LSAMP: variants seen among roughly 807,000 people sequenced by gnomAD.
The protein encoded by LSAMP is limbic system-associated membrane protein.
Under a neutral mutation model 38.6 loss-of-function variants are expected in LSAMP, and 7 were observed. That is an observed-to-expected ratio of 0.18 (90% CI 0.10 to 0.34). The LOEUF is 0.34. Ranked by LOEUF, LSAMP falls within the 10% of genes least tolerant of loss-of-function variation. LSAMP has a pLI of 1.00. For missense variants in LSAMP, 313 were observed against 420.0 expected, an observed-to-expected ratio of 0.75 and a Z score of 2.23; for synonymous variants, 154 against 166.8, an observed-to-expected ratio of 0.92 and a Z score of 0.59.
At chr3:115,956,065 C>A (rs748155327) in intron 3 of LSAMP, among the ~76,000 whole-genome samples, 2 of 152,110 alleles carry the variant, frequency 1.3e-5, no homozygotes, top group Non-Finnish European at 2.9e-5. Flanking sequence ...TGTAGACGAC[C>A]ATGATTTACC....
chr3:116,133,251 CT>C (rs370026463), intron 1 of LSAMP, among the ~76,000 whole-genome samples: 82 of 149,524 alleles, frequency 5.5e-4, no homozygotes, highest in Admixed American at 2.0e-3. Flanking sequence ...CTTTTTTTTC[CT>C]TTTTTTTTTG....
chr3:116,145,036 C>T (rs1480817187), intron 1 of LSAMP, among the ~76,000 whole-genome samples: 2 of 151,776 alleles, frequency 1.3e-5, no homozygotes, highest in African/African-American at 4.8e-5. Context: ...AGTATTCTGT[C>T]TTAATTTTGT....
At chr3:115,867,691 A>C (rs191166890) in intron 3 of LSAMP, among the ~76,000 whole-genome samples, 1 of 152,266 alleles carries the variant, frequency 6.6e-6, no homozygotes, top group Non-Finnish European at 1.5e-5. Context: ...GAATTGCAAG[A>C]GCCTAAAGTA....
At chr3:116,179,495 T>A (rs144541096) in intron 1 of LSAMP, among the ~76,000 whole-genome samples, 119 of 152,222 alleles carry the variant, frequency 7.8e-4, no homozygotes, top group Middle Eastern at 3.4e-3. Flanking sequence ...CTGGGTAATT[T>A]ATAAAGAGAA....
chr3:115,832,736 T>C (rs530425651), intron 6 of LSAMP, among the ~76,000 whole-genome samples: 1 of 152,298 alleles, frequency 6.6e-6, no homozygotes, highest in South Asian at 2.1e-4. Flanking sequence ...AAGACCAAAG[T>C]ATTAGTATAA....
At chr3:116,164,354 C>T (rs1407394747) in intron 1 of LSAMP, among the ~76,000 whole-genome samples, 1 of 151,518 alleles carries the variant, frequency 6.6e-6, no homozygotes, top group Non-Finnish European at 1.5e-5. Flanking sequence ...CTGACTCCAT[C>T]ATGTAAGAGT....
intron 6 of LSAMP, among the ~76,000 whole-genome samples, chr3:115,813,258 G>T (rs1177890484): frequency 6.6e-6 from 1 of 152,020 alleles, no homozygotes; most frequent in African/African-American, 2.4e-5. Context: ...TTATAGCACT[G>T]CATTTTTACC....
intron 1 of LSAMP, among the ~76,000 whole-genome samples, chr3:116,146,249 C>G (rs182889728): frequency 3.3e-5 from 5 of 152,030 alleles, no homozygotes. Context: ...AAACATGTAT[C>G]TCCTGTCAGT....
intron 1 of LSAMP, among the ~76,000 whole-genome samples, chr3:116,124,419 T>G (rs371408843): frequency 2.6e-5 from 4 of 152,200 alleles, no homozygotes; most frequent in Admixed American, 6.5e-5. Context: ...GAAAAATTAT[T>G]CAGTGTGTGG....
chr3:116,213,071 G>A (rs911297048), intron 1 of LSAMP, among the ~76,000 whole-genome samples: 5 of 152,092 alleles, frequency 3.3e-5, no homozygotes, highest in Non-Finnish European at 7.4e-5. Flanking sequence ...GACCAATTTT[G>A]CTCTTATAAT....
intron 3 of LSAMP, among the ~76,000 whole-genome samples, chr3:115,988,928 G>A (rs538355633): frequency 6.6e-6 from 1 of 152,058 alleles, no homozygotes; most frequent in South Asian, 2.1e-4. Flanking sequence ...TTTCATTCTC[G>A]AGGATGTTTT....
At chr3:116,428,145 A>G (rs981364642) in intron 1 of LSAMP, among the ~76,000 whole-genome samples, 2 of 152,078 alleles carry the variant, frequency 1.3e-5, no homozygotes, top group African/African-American at 4.8e-5. Flanking sequence ...TTTCCTACCT[A>G]TATTTGAACT....
intron 4 of LSAMP, among the ~76,000 whole-genome samples, chr3:115,846,523 T>C (rs4416377): frequency 0.21 from 32,639 of 152,210 alleles, 3,626 homozygotes; most frequent in African/African-American, 0.25. Context: ...GTTTTAGATA[T>C]CCTCTTTATC....
intron 1 of LSAMP, among the ~76,000 whole-genome samples, chr3:116,355,418 A>T (rs921682016): frequency 6.6e-6 from 1 of 152,210 alleles, no homozygotes; most frequent in Non-Finnish European, 1.5e-5. Context: ...CCTGTCTCTC[A>T]CCATATACAA....
intron 1 of LSAMP, among the ~76,000 whole-genome samples, chr3:116,351,305 A>G (rs1202775037): frequency 6.6e-6 from 1 of 151,986 alleles, no homozygotes; most frequent in Non-Finnish European, 1.5e-5. Flanking sequence ...TCCAATGGAG[A>G]TGCCATTAAA....
At chr3:115,819,073 C>T (rs1934139990) in intron 6 of LSAMP, among the ~76,000 whole-genome samples, 1 of 151,324 alleles carries the variant, frequency 6.6e-6, no homozygotes, top group Admixed American at 6.6e-5. Context: ...TCACTTGAAC[C>T]CGGGAGGCGG....
In LSAMP at chr3:116,356,205, T is replaced by C. The variant is rs1015893483; in HGVS notation, c.155+88672A>G. Among the ~76,000 whole-genome samples, 8 of 152,220 alleles carry C rather than the reference T, an allele frequency of 5.3e-5. No homozygotes were observed. In the South Asian group the frequency reaches 1.7e-3, roughly 32 times the overall value. On this transcript the variant is annotated intron_variant, in intron 1 of 6. Coordinates refer to ENST00000490035, the MANE Select transcript of LSAMP (RefSeq NM_002338.5). ...AAGTGTCCATCAACAGACAAGTAGA[T>C]AAAGAAGATGTACATATTATATACA...
intron 1 of LSAMP, among the ~76,000 whole-genome samples, chr3:116,431,924 T>C (rs949512225): frequency 6.6e-6 from 1 of 152,070 alleles, no homozygotes; most frequent in African/African-American, 2.4e-5. Flanking sequence ...AAGGCAGCAT[T>C]AATTTTTGTC....
chr3:116,130,961 C>G (rs572707865), intron 1 of LSAMP, among the ~76,000 whole-genome samples: 1 of 150,650 alleles, frequency 6.6e-6, no homozygotes, highest in Non-Finnish European at 1.5e-5. Flanking sequence ...ACTTCACTTC[C>G]GGTAACAACT....
Sources: allele counts gnomAD v4.1 joint callset (sites outside exome capture counted in the v4.1 genomes callset), GRCh38; gene constraint gnomAD v4.1.1; transcripts MANE v1.5; gene names NCBI Gene and HGNC (gene_info 2026-07-23, HGNC 2026-07-21).